CFAP299: variants seen among roughly 807,000 people sequenced by gnomAD.
CFAP299 encodes cilia and flagella associated protein 299, also known as cilia- and flagella-associated protein 299.
In CFAP299, 21 loss-of-function variants were observed where a neutral mutation model predicts 27.0. The ratio of observed to expected loss-of-function variants is 0.78; its 90% CI spans 0.55 to 1.12. CFAP299 has a LOEUF of 1.12. Ranked by LOEUF, CFAP299 falls within the 50% of genes most tolerant of loss-of-function variation. The pLI is 0.00. For missense variants in CFAP299, 310 were observed against 276.6 expected (o/e 1.12, Z -0.86); for synonymous variants, 104 against 98.1 (o/e 1.06, Z -0.36).
At chr4:80,437,018 T>C (rs2110083179) in intron 2 of CFAP299, among the ~76,000 whole-genome samples, 1 of 152,352 alleles carries the variant, frequency 6.6e-6, no homozygotes, top group Admixed American at 6.5e-5. Context: ...TGGTAAGTTC[T>C]GCTGCATGTA....
At chr4:80,407,984 T>C (rs1185435115) in intron 2 of CFAP299, among the ~76,000 whole-genome samples, 2 of 152,222 alleles carry the variant, frequency 1.3e-5, no homozygotes, top group Non-Finnish European at 2.9e-5. Flanking sequence ...TGCTATTGTT[T>C]ATTTGTTTGG....
intron 3 of CFAP299, among the ~76,000 whole-genome samples, chr4:80,744,448 G>T (rs1462970097): frequency 3.9e-5 from 6 of 152,140 alleles, no homozygotes. Context: ...TAAATGGATA[G>T]ACACTCATCT....
chr4:80,386,693 C>A, intron 2 of CFAP299: 3 of 1,577,584 alleles, frequency 1.9e-6, no homozygotes, highest in Middle Eastern at 1.7e-4. Flanking sequence ...GCTGAAGGAC[C>A]TGCTGCACAG....
intron 4 of CFAP299, among the ~76,000 whole-genome samples, chr4:80,898,293 A>G (rs1734711998): frequency 6.6e-6 from 1 of 152,008 alleles, no homozygotes; most frequent in African/African-American, 2.4e-5. Context: ...ATGGGGCAGG[A>G]TGGCAATCCT....
At chr4:80,873,309 G>A (rs548845445) in intron 4 of CFAP299, among the ~76,000 whole-genome samples, 1 of 152,230 alleles carries the variant, frequency 6.6e-6, no homozygotes, top group Non-Finnish European at 1.5e-5. Flanking sequence ...TTGTGGCTAT[G>A]ATTAGAATCT....
intron 2 of CFAP299, among the ~76,000 whole-genome samples, chr4:80,533,924 T>A (rs1042002301): frequency 2.0e-5 from 3 of 152,032 alleles, no homozygotes; most frequent in African/African-American, 7.2e-5. Flanking sequence ...ACAACAAATA[T>A]GATAGGTTCA....
intron 3 of CFAP299, among the ~76,000 whole-genome samples, chr4:80,719,119 C>G (rs1722667209): frequency 6.6e-6 from 1 of 151,938 alleles, no homozygotes; most frequent in Admixed American, 6.6e-5. Flanking sequence ...TAGAAGGAAA[C>G]AACAGACATT....
At chr4:80,423,528 T>G (rs1265672022) in intron 2 of CFAP299, among the ~76,000 whole-genome samples, 1 of 152,184 alleles carries the variant, frequency 6.6e-6, no homozygotes, top group Non-Finnish European at 1.5e-5. Flanking sequence ...AGGTCTCAAC[T>G]GTGTGGGCTC....
At chr4:80,732,746 G>A (rs1723612918) in intron 3 of CFAP299, among the ~76,000 whole-genome samples, 1 of 151,872 alleles carries the variant, frequency 6.6e-6, no homozygotes, top group Non-Finnish European at 1.5e-5. Context: ...CTAGATGTTG[G>A]GCTCATTCCC....
rs1733188849 is a variant in CFAP299, at chr4:80,873,061, T to C, written c.476+2926T>C. ...CCATCCTTTTTGGAAGTCATAAATA[T>C]ACTGTCTTATAGGATATTATAGTTT... On this transcript the variant is annotated intron_variant, in intron 4 of 5. Transcript: ENST00000358105. 7 of 922,990 alleles carry C rather than the reference T, an allele frequency of 7.6e-6. No homozygotes were observed. In the South Asian group the frequency reaches 3.5e-4, roughly 46 times the overall value. The allele number at this position is 922,990 out of a possible 1,614,324, so 57.2% of individuals were successfully genotyped here.
At chr4:80,585,087 C>T (rs564796169) in intron 3 of CFAP299, among the ~76,000 whole-genome samples, 5 of 151,954 alleles carry the variant, frequency 3.3e-5, no homozygotes, top group South Asian at 4.2e-4. Context: ...AAGGATAAAG[C>T]GGATGCCAGC....
chr4:80,953,994 G>A (rs1737920191), intron 5 of CFAP299, among the ~76,000 whole-genome samples: 2 of 152,200 alleles, frequency 1.3e-5, no homozygotes, highest in African/African-American at 2.4e-5. Context: ...AGGATGGAGA[G>A]ATTTGAGGAA....
At chr4:80,922,430 A>G (rs1736091541) in intron 4 of CFAP299, among the ~76,000 whole-genome samples, 2 of 152,080 alleles carry the variant, frequency 1.3e-5, no homozygotes, top group South Asian at 4.1e-4. Context: ...TCTTCAAAGT[A>G]AAACACTAGC....
intron 3 of CFAP299, among the ~76,000 whole-genome samples, chr4:80,715,558 G>C (rs975668634): frequency 6.6e-6 from 1 of 151,796 alleles, no homozygotes; most frequent in Non-Finnish European, 1.5e-5. Flanking sequence ...ACCAAAATGG[G>C]TCTACACTTT....
intron 2 of CFAP299, among the ~76,000 whole-genome samples, chr4:80,466,593 C>A (rs561184830): frequency 1.3e-5 from 2 of 152,268 alleles, no homozygotes; most frequent in African/African-American, 4.8e-5. Context: ...GTAAAAATGG[C>A]CATGGAAGCC....
intron 2 of CFAP299, among the ~76,000 whole-genome samples, chr4:80,458,363 A>G (rs956859277): frequency 6.6e-6 from 1 of 152,214 alleles, no homozygotes; most frequent in African/African-American, 2.4e-5. Context: ...CTACTGGACT[A>G]CAGGCTGGAG....
At chr4:80,429,660 A>G (rs1727710629) in intron 2 of CFAP299, among the ~76,000 whole-genome samples, 1 of 152,164 alleles carries the variant, frequency 6.6e-6, no homozygotes, top group Non-Finnish European at 1.5e-5. Context: ...ATGCTATGAA[A>G]TGTTGAATAA....
chr4:80,875,456 T>C (rs1255088809), intron 4 of CFAP299, among the ~76,000 whole-genome samples: 1 of 151,946 alleles, frequency 6.6e-6, no homozygotes, highest in African/African-American at 2.4e-5. Context: ...GGTCAAGAGT[T>C]CGAGACCACC....
chr4:80,436,134 C>A (rs6813942), intron 2 of CFAP299, among the ~76,000 whole-genome samples: 14,285 of 152,076 alleles, frequency 0.094, 1,655 homozygotes, highest in African/African-American at 0.27. Flanking sequence ...ATGCAAATTT[C>A]CATTCTCTCC....
Sources: gnomAD v4.1 joint callset for allele counts (sites outside exome capture counted in the v4.1 genomes callset) on GRCh38, gnomAD v4.1.1 for gene constraint, MANE v1.5 for transcripts, NCBI Gene and HGNC (gene_info 2026-07-23, HGNC 2026-07-21) for gene names.